Variants in RGS6 observed in about 807,000 individuals in gnomAD.
RGS6 encodes regulator of G protein signaling 6.
RGS6 carries 30 observed loss-of-function variants against 78.5 expected under a neutral mutation model. That is an observed-to-expected ratio of 0.38 (90% CI 0.29 to 0.52). The LOEUF (loss-of-function observed/expected upper bound fraction) is 0.52. Among genes scored for constraint, RGS6 ranks in the 20% least tolerant of loss-of-function variants. The probability of loss-of-function intolerance (pLI) is 0.85; values close to 1 mark genes in which losing one functional copy is unlikely to be tolerated. For synonymous variants in RGS6, 206 were observed against 206.0 expected, an observed-to-expected ratio of 1.00 and a Z score of 0.00; for missense variants, 495 against 609.7, an observed-to-expected ratio of 0.81 and a Z score of 1.98.
intron 2 of RGS6, among the ~76,000 whole-genome samples, chr14:72,211,677 G>A (rs752059861): frequency 8.5e-5 from 13 of 152,248 alleles, no homozygotes; most frequent in Non-Finnish European, 1.6e-4. Context: ...ACCCCCAAAC[G>A]TAAGAATCAT....
intron 2 of RGS6, among the ~76,000 whole-genome samples, chr14:72,093,845 GTTTA>G (rs1258945555): frequency 2.6e-5 from 4 of 152,174 alleles, no homozygotes; most frequent in South Asian, 4.1e-4. Flanking sequence ...TAACAAAGCA[GTTTA>G]TTCATTCATT....
chr14:72,237,123 CTT>C (rs1338183961), intron 2 of RGS6, among the ~76,000 whole-genome samples: 1 of 152,148 alleles, frequency 6.6e-6, no homozygotes, highest in Admixed American at 6.5e-5. Context: ...TTGCATGAGA[CTT>C]TTTCACGCAG....
intron 3 of RGS6, among the ~76,000 whole-genome samples, chr14:72,370,726 T>G (rs1447419739): frequency 6.6e-6 from 1 of 152,204 alleles, no homozygotes; most frequent in East Asian, 1.9e-4. Context: ...AAAAAAAAAT[T>G]TTTTAACATC....
chr14:72,374,106 ATACTT>A (rs762544507), intron 3 of RGS6, among the ~76,000 whole-genome samples: 1 of 152,204 alleles, frequency 6.6e-6, no homozygotes, highest in Non-Finnish European at 1.5e-5. Context: ...TTTTTTTAAA[ATACTT>A]TAAGTTCTAG....
intron 2 of RGS6, among the ~76,000 whole-genome samples, chr14:72,339,305 C>A (rs1362317890): frequency 6.6e-6 from 1 of 152,146 alleles, no homozygotes; most frequent in African/African-American, 2.4e-5. Flanking sequence ...TTTAAGAAAG[C>A]AGAACAAGCC....
the RGS6 span, among the ~76,000 whole-genome samples, chr14:71,892,883 C>T: frequency 6.6e-6 from 1 of 152,108 alleles, no homozygotes; most frequent in Admixed American, 6.5e-5. Context: ...TGTAGTTTTG[C>T]CTTACAGGAA....
At chr14:72,270,131 A>T (rs1406793977) in intron 2 of RGS6, among the ~76,000 whole-genome samples, 1 of 152,116 alleles carries the variant, frequency 6.6e-6, no homozygotes, top group East Asian at 1.9e-4. Flanking sequence ...AGTAGAGGAG[A>T]CCTTGACAAA....
chr14:72,398,352 GT>G (rs1396240146), intron 3 of RGS6, among the ~76,000 whole-genome samples: 1 of 151,606 alleles, frequency 6.6e-6, no homozygotes, highest in African/African-American at 2.4e-5. Flanking sequence ...GGTGTTTATA[GT>G]ATTCTCTGAT....
intron 3 of RGS6, among the ~76,000 whole-genome samples, chr14:72,380,981 C>T (rs1294619729): frequency 3.9e-5 from 6 of 152,026 alleles, no homozygotes; most frequent in Admixed American, 2.0e-4. Flanking sequence ...GTATATGTGA[C>T]GGAATACTAT....
intron 2 of RGS6, among the ~76,000 whole-genome samples, chr14:72,074,725 C>T (rs1458503410): frequency 6.6e-6 from 1 of 152,056 alleles, no homozygotes; most frequent in Non-Finnish European, 1.5e-5. Context: ...ATCTCATATG[C>T]AAGAGGGTGT....
chr14:72,128,113 G>C (rs2096243091), intron 2 of RGS6, among the ~76,000 whole-genome samples: 1 of 151,978 alleles, frequency 6.6e-6, no homozygotes, highest in Admixed American at 6.6e-5. Context: ...AAGCAAGCAG[G>C]ACTTTTAAAA....
At chr14:71,929,002 G>A (rs969664533), upstream of RGS6, among the ~76,000 whole-genome samples, 8 of 152,134 alleles carry the variant, frequency 5.3e-5, no homozygotes, top group African/African-American at 1.9e-4. Flanking sequence ...TTGAAATAAT[G>A]TTATAATAAA....
chr14:72,544,244 C>T (rs2097363297), intron 17 of RGS6, among the ~76,000 whole-genome samples: 1 of 152,202 alleles, frequency 6.6e-6, no homozygotes, highest in Admixed American at 6.5e-5. Flanking sequence ...GAGCTCCAAT[C>T]TGGGGAGGAG....
At chr14:71,935,687 C>T (rs2089011794) in intron 1 of RGS6, among the ~76,000 whole-genome samples, 2 of 152,044 alleles carry the variant, frequency 1.3e-5, no homozygotes, top group Non-Finnish European at 2.9e-5. Flanking sequence ...GGGTGGGAGA[C>T]CTGAGTTCTG....
At chr14:72,622,793 G>A in the RGS6 span, among the ~76,000 whole-genome samples, 19 of 152,094 alleles carry the variant, frequency 1.2e-4, no homozygotes, top group Middle Eastern at 0.017. Context: ...TCCCATTCTC[G>A]GATATCCAGG....
chr14:72,118,167 A>AAC (rs2095952547), intron 2 of RGS6, among the ~76,000 whole-genome samples: 1 of 151,924 alleles, frequency 6.6e-6, no homozygotes, highest in African/African-American at 2.4e-5. Context: ...TTAAAAAAAA[A>AAC]AACAACAAAA....
chr14:72,609,333 C>A, the RGS6 span, among the ~76,000 whole-genome samples: 1,143 of 152,280 alleles, frequency 7.5e-3, 12 homozygotes, highest in African/African-American at 0.025. Flanking sequence ...GGTCCTGGCA[C>A]GTGGGCCACC....
In RGS6 at chr14:72,494,964, G is replaced by A. The variant is rs113433948; in HGVS notation, c.855-188G>A. 6.3e-3 allele frequency among the ~76,000 whole-genome samples: 953 copies of A among 152,340 alleles called. 8 individuals are homozygous for A. The highest frequency in any genetic ancestry group is 0.022 in the African/African-American group (910 of 41,566). On this transcript the variant is annotated intron_variant, in intron 12 of 17. Coordinates refer to ENST00000553525, the MANE Select transcript of RGS6 (RefSeq NM_001204424.2). ...TCATGGCTGCAACAGTGCAAAAATG[G>A]TATGTTCGTTATAAGAAGGAAATAA...
At chr14:72,446,190 A>G in intron 3 of RGS6, among the ~76,000 whole-genome samples, 1 of 152,186 alleles carries the variant, frequency 6.6e-6, no homozygotes, top group East Asian at 1.9e-4. Context: ...TCTCCCTCAC[A>G]GCCCTCAGGA....
Sources: gnomAD v4.1 joint callset for allele counts (sites outside exome capture counted in the v4.1 genomes callset) on GRCh38, gnomAD v4.1.1 for gene constraint, MANE v1.5 for transcripts, NCBI Gene and HGNC (gene_info 2026-07-23, HGNC 2026-07-21) for gene names.